Variants in VEGFD observed in about 807,000 individuals in gnomAD.
The protein encoded by VEGFD is c-fos induced growth factor (vascular endothelial growth factor D).
Under a neutral mutation model 28.0 loss-of-function variants are expected in VEGFD, and 26 were observed. The ratio of observed to expected loss-of-function variants is 0.93; its 90% CI spans 0.68 to 1.29. The LOEUF is 1.29. VEGFD is among the 50% of genes most tolerant of loss of function. VEGFD has a pLI of 0.00. For synonymous variants in VEGFD, 93 were observed against 95.5 expected (o/e 0.97, Z 0.15); for missense variants, 294 against 273.4 (o/e 1.08, Z -0.53).
intron 1 of VEGFD, among the ~76,000 whole-genome samples, chrX:15,364,075 T>C (rs377600908): frequency 8.9e-6 from 1 of 112,094 alleles, no homozygotes; most frequent in African/African-American, 3.2e-5. Flanking sequence ...GTTGTTTTCA[T>C]CTCTGTTATT....
At chrX:15,364,701 A>G (rs148676826) in intron 1 of VEGFD, among the ~76,000 whole-genome samples, 1,266 of 111,025 alleles carry the variant, frequency 0.011, 14 homozygotes, top group African/African-American at 0.039. Flanking sequence ...ATGAGGGAGG[A>G]GGCAAAGGAC....
intron 1 of VEGFD, among the ~76,000 whole-genome samples, chrX:15,379,439 T>C (rs1252960915): frequency 8.9e-6 from 1 of 112,106 alleles, no homozygotes; most frequent in Non-Finnish European, 1.9e-5. Context: ...GCTAAGGCTT[T>C]CATGATGCAG....
intron 1 of VEGFD, among the ~76,000 whole-genome samples, chrX:15,381,876 A>G (rs201742080): frequency 4.6e-5 from 1 of 21,684 alleles, no homozygotes; most frequent in Admixed American, 5.0e-4. Flanking sequence ...ATATATTCTG[A>G]AAAAAAATTG....
At chrX:15,366,177 T>A (rs1923142101) in intron 1 of VEGFD, among the ~76,000 whole-genome samples, 1 of 110,714 alleles carries the variant, frequency 9.0e-6, no homozygotes, top group East Asian at 2.8e-4. Context: ...CGGCTAATTT[T>A]GTTTTTGTAT....
In VEGFD at chrX:15,360,772, C is replaced by T. The variant is rs188079973; in HGVS notation, c.301+2337G>A. Among the ~76,000 whole-genome samples the T allele has an allele frequency of 9.9e-3, 1,116 of 112,324 alleles. 9 individuals carry two copies. Among genetic ancestry groups the T allele is most frequent in the Non-Finnish European group, 0.015 (818 of 53,226 alleles). ...TAATTCACTATAATTAATCATGAAT[C>T]CTTGAAAAAACAAGAAACCAACCTA... On this transcript the variant is annotated intron_variant, in intron 2 of 6. Coordinates refer to ENST00000297904, the MANE Select transcript of VEGFD (RefSeq NM_004469.5).
chrX:15,351,848 T>C (rs1281874360), intron 5 of VEGFD, among the ~76,000 whole-genome samples: 1 of 112,707 alleles, frequency 8.9e-6, no homozygotes, highest in East Asian at 2.8e-4. Flanking sequence ...TAAGATAAAT[T>C]TCACTTGTTT....
chrX:15,347,445 G>A (rs747165001), intron 5 of VEGFD, 86 bp from the exon 6 acceptor site: 170 of 761,759 alleles, frequency 2.2e-4, no homozygotes, highest in Non-Finnish European at 2.8e-4. Flanking sequence ...TATGTCATCC[G>A]TAAGTAACTT....
chrX:15,373,943 C>T (rs1199770175), intron 1 of VEGFD, among the ~76,000 whole-genome samples: 1 of 111,257 alleles, frequency 9.0e-6, no homozygotes, highest in Non-Finnish European at 1.9e-5. Flanking sequence ...CCCCACCTGT[C>T]GAGGTATCTT....
rs548039050 is a variant in VEGFD at position 15,351,111 on chromosome X, C to CT, written c.742+1956dup. On this transcript the variant is annotated intron_variant, in intron 5 of 6. Coordinates refer to ENST00000297904, the MANE Select transcript of VEGFD (RefSeq NM_004469.5). The stretch of plus-strand genomic sequence containing the variant: ...TCGCCATGTTGGCCCGGCTGGTTTT[C>CT]TTTTTTTTTTTTTTCTTTTTTTGAG... Among the ~76,000 whole-genome samples the CT allele has an allele frequency of 1.2e-3, 61 of 50,017 alleles. 1 individual carries two copies. Among genetic ancestry groups the CT allele is most frequent in the Middle Eastern group, 0.016 (1 of 64 alleles). The allele number at this position is 50,017 out of a possible 115,157, so 43.4% of individuals were successfully genotyped here. A position where few individuals can be genotyped will look rare whatever the true frequency, so the allele number is the denominator to read the frequency against.
intron 5 of VEGFD, among the ~76,000 whole-genome samples, chrX:15,351,279 C>T (rs1192961901): frequency 9.6e-6 from 1 of 104,359 alleles, no homozygotes; most frequent in African/African-American, 3.5e-5. Flanking sequence ...CTACGCCCGG[C>T]TAATTTTTTT....
intron 1 of VEGFD, among the ~76,000 whole-genome samples, chrX:15,375,659 CTT>C (rs775261901): frequency 8.9e-6 from 1 of 112,008 alleles, no homozygotes; most frequent in South Asian, 3.7e-4. Context: ...TTTAATTAAA[CTT>C]AGACTGAGGA....
At chrX:15,353,828 C>T (rs779188151) in intron 4 of VEGFD, among the ~76,000 whole-genome samples, 1 of 110,904 alleles carries the variant, frequency 9.0e-6, no homozygotes, top group Non-Finnish European at 1.9e-5. Flanking sequence ...AAATATTCTA[C>T]GTGGAAATGT....
At chrX:15,354,199 C>T (rs1487731049) in intron 4 of VEGFD, among the ~76,000 whole-genome samples, 1 of 110,032 alleles carries the variant, frequency 9.1e-6, no homozygotes, top group Non-Finnish European at 1.9e-5. Flanking sequence ...TCTCAATCTC[C>T]TGACCTCGTG....
At chrX:15,381,331 C>T (rs1016963291) in intron 1 of VEGFD, among the ~76,000 whole-genome samples, 4 of 110,705 alleles carry the variant, frequency 3.6e-5, no homozygotes, top group African/African-American at 9.9e-5. Context: ...GAAAACTGGA[C>T]AATCTTCAAA....
chrX:15,372,545 G>A (rs1459904263), intron 1 of VEGFD, among the ~76,000 whole-genome samples: 1 of 111,048 alleles, frequency 9.0e-6, no homozygotes, highest in Non-Finnish European at 1.9e-5. Flanking sequence ...AAATCTCACA[G>A]ATTCTCATTT....
intron 5 of VEGFD, among the ~76,000 whole-genome samples, chrX:15,352,114 T>C (rs1214480603): frequency 8.9e-6 from 1 of 111,892 alleles, no homozygotes; most frequent in African/African-American, 3.3e-5. Flanking sequence ...CACATAAATA[T>C]TAAATTTCCC....
At chrX:15,371,260 C>A (rs753801876) in intron 1 of VEGFD, among the ~76,000 whole-genome samples, 2 of 111,716 alleles carry the variant, frequency 1.8e-5, no homozygotes, top group Non-Finnish European at 3.8e-5. Flanking sequence ...GCCAGGTTTG[C>A]CAGTTTGCAG....
chrX:15,358,226 C>A, intron 2 of VEGFD, 33 bp from the exon 3 acceptor site: 1 of 1,150,688 alleles, frequency 8.7e-7, no homozygotes, highest in South Asian at 2.0e-5. Context: ...CTGGGGCTAG[C>A]AGGTGGAATG....
intron 3 of VEGFD, 107 bp downstream of exon 3, chrX:15,357,896 A>G: frequency 3.0e-6 from 2 of 658,004 alleles, no homozygotes; most frequent in Non-Finnish European, 4.6e-6. Flanking sequence ...AAATGCGATT[A>G]TGCACATAAA....
Sources: gnomAD v4.1 joint callset for allele counts (sites outside exome capture counted in the v4.1 genomes callset) on GRCh38, gnomAD v4.1.1 for gene constraint, MANE v1.5 for transcripts, NCBI Gene and HGNC (gene_info 2026-07-23, HGNC 2026-07-21) for gene names.